Variants in DLG5 observed in about 807,000 individuals in gnomAD.
The protein encoded by DLG5 is discs large MAGUK scaffold protein 5.
A neutral mutation model predicts 189.8 loss-of-function variants in DLG5; 48 were observed. The ratio of observed to expected loss-of-function variants is 0.25; its 90% CI spans 0.20 to 0.32. DLG5 has a LOEUF of 0.32. Among genes scored for constraint, DLG5 ranks in the 10% least tolerant of loss-of-function variants. DLG5 has a pLI of 1.00. For missense variants in DLG5, 2,160 were observed against 2,544.7 expected (o/e 0.85, Z 3.25); for synonymous variants, 1,016 against 1,054.1 (o/e 0.96, Z 0.70).
At chr10:77,824,613 TAG>T in intron 13 of DLG5, 137 bp from the exon 14 acceptor site, 1 of 659,094 alleles carries the variant, frequency 1.5e-6, no homozygotes, top group Non-Finnish European at 2.6e-6. Context: ...TGGCAAAGGA[TAG>T]AGGTCTTTCT....
rs12257229 is a variant in DLG5, at chr10:77,843,665, C to T, written c.906G>A (p.Leu302=). 27,183 of 1,613,912 alleles carry T rather than the reference C, an allele frequency of 0.017. 3,807 individuals carry two copies. In the African/African-American group the frequency reaches 0.31, roughly 19 times the overall value. Residue 302 remains leucine, a synonymous_variant, in exon 6 of 32, where the codon CTG becomes CTA. Coordinates refer to ENST00000372391, the MANE Select transcript of DLG5 (RefSeq NM_004747.4). ...CCAACTTGTCCATGGCCGTGTCATA[C>T]AGTTTGTTGAGAATCTCGGATGACC... ...HNGSSEILNK[L]YDTAMDKLEV...
At chr10:77,802,444 G>A (rs1469819024) in intron 27 of DLG5, among the ~76,000 whole-genome samples, 1 of 152,218 alleles carries the variant, frequency 6.6e-6, no homozygotes, top group Non-Finnish European at 1.5e-5. Context: ...ATTTCTGCAA[G>A]TTGTTCAGCA....
chr10:77,829,482 C>T lies in DLG5; in HGVS notation c.2058G>A (p.Lys686=). 1.9e-6 allele frequency: 3 copies of T among 1,613,988 alleles called. No homozygotes were observed. The highest frequency in any genetic ancestry group is 2.5e-6 in the Non-Finnish European group (3 of 1,179,956). ...LRINDVDLIN[K]DKKQAIKALL... The stretch of plus-strand genomic sequence containing the variant: ...GCGCCTTGATGGCCTGCTTCTTGTC[C>T]TTGTTGATGAGGTCCACATCGTTGA... The change falls in exon 12 of 32, where the codon AAG becomes AAA. Residue 686 remains lysine, a synonymous_variant. Transcript: ENST00000372391.
intron 1 of DLG5, among the ~76,000 whole-genome samples, chr10:77,904,633 G>A (rs1846021629): frequency 6.6e-6 from 1 of 151,654 alleles, no homozygotes; most frequent in Non-Finnish European, 1.5e-5. Context: ...GGTTTATCAG[G>A]GGTTTCCGCC....
intron 1 of DLG5, chr10:77,912,502 C>A (rs1407038440): frequency 6.6e-6 from 1 of 152,104 alleles, no homozygotes; most frequent in African/African-American, 2.4e-5. Flanking sequence ...CCCTCCTCAG[C>A]CTCCCAAGTA....
At chr10:77,833,215 G>A (rs1249800481) in intron 9 of DLG5, among the ~76,000 whole-genome samples, 2 of 152,176 alleles carry the variant, frequency 1.3e-5, no homozygotes, top group Non-Finnish European at 2.9e-5. Flanking sequence ...AAAGGCCACT[G>A]AGTGTTTAAA....
chr10:77,918,071 A>C (rs1846420933), intron 1 of DLG5, among the ~76,000 whole-genome samples: 1 of 152,004 alleles, frequency 6.6e-6, no homozygotes, highest in South Asian at 2.1e-4. Flanking sequence ...TGTACACTTA[A>C]AAAGTTATTA....
intron 1 of DLG5, among the ~76,000 whole-genome samples, chr10:77,908,680 A>G (rs955749440): frequency 1.3e-5 from 2 of 150,390 alleles, no homozygotes; most frequent in Middle Eastern, 3.2e-3. Flanking sequence ...CTCACCATAC[A>G]CCCTCCTTCC....
chr10:77,880,231 A>G (rs1021171017), intron 1 of DLG5, among the ~76,000 whole-genome samples: 12 of 152,156 alleles, frequency 7.9e-5, no homozygotes, highest in African/African-American at 2.9e-4. Flanking sequence ...AGACGGGTGG[A>G]TCACCTGAGG....
intron 8 of DLG5, among the ~76,000 whole-genome samples, chr10:77,834,611 C>G (rs1165507676): frequency 6.6e-6 from 1 of 152,110 alleles, no homozygotes; most frequent in Non-Finnish European, 1.5e-5. Context: ...TGAAAGAGGA[C>G]CCCAAGGAGG....
chr10:77,887,181 A>G (rs879792156), intron 1 of DLG5, among the ~76,000 whole-genome samples: 2 of 152,212 alleles, frequency 1.3e-5, no homozygotes, highest in South Asian at 4.2e-4. Flanking sequence ...CATTTTACAG[A>G]CAAGAACCCC....
intron 2 of DLG5, among the ~76,000 whole-genome samples, chr10:77,858,990 G>A (rs2801823): frequency 0.25 from 38,643 of 151,736 alleles, 5,484 homozygotes; most frequent in Admixed American, 0.39. Context: ...CTCTCACCTC[G>A]GCCTCCTAAG....
At chr10:77,792,963 T>G in intron 31 of DLG5, 1 of 200,574 alleles carries the variant, frequency 5.0e-6, no homozygotes, top group Non-Finnish European at 1.0e-5. Flanking sequence ...CCCTGTACTA[T>G]AGGAGTTTGA....
At chr10:77,884,934 C>T (rs1845394054) in intron 1 of DLG5, among the ~76,000 whole-genome samples, 1 of 152,152 alleles carries the variant, frequency 6.6e-6, no homozygotes, top group East Asian at 1.9e-4. Flanking sequence ...GGGACTCTTT[C>T]CAATGTTTTA....
intron 2 of DLG5, among the ~76,000 whole-genome samples, chr10:77,866,619 C>T (rs1844693615): frequency 6.6e-6 from 1 of 151,932 alleles, no homozygotes; most frequent in African/African-American, 2.4e-5. Context: ...ATTTAAGTAG[C>T]CACCTGTGTT....
At chr10:77,865,466 T>C (rs966564500) in intron 2 of DLG5, among the ~76,000 whole-genome samples, 1 of 152,178 alleles carries the variant, frequency 6.6e-6, no homozygotes, top group Non-Finnish European at 1.5e-5. Context: ...CCGATAAGCC[T>C]GGAGACCTCT....
chr10:77,800,650 C>G (rs1275578908), intron 27 of DLG5, among the ~76,000 whole-genome samples: 1 of 152,222 alleles, frequency 6.6e-6, no homozygotes, highest in Non-Finnish European at 1.5e-5. Flanking sequence ...CTGCCAGGAC[C>G]TGGTGGGTCA....
intron 14 of DLG5, 112 bp downstream of exon 14, chr10:77,824,272 T>C: frequency 1.3e-6 from 1 of 786,168 alleles, no homozygotes; most frequent in Non-Finnish European, 2.1e-6. Flanking sequence ...ACTCAGTAAA[T>C]GCCCACCCTG....
At chr10:77,816,490 G>C (rs1041288303) in intron 20 of DLG5, 61 bp downstream of exon 20, 29 of 1,609,960 alleles carry the variant, frequency 1.8e-5, no homozygotes, top group Non-Finnish European at 2.3e-5. Flanking sequence ...GCCCAGGCCC[G>C]CTGCCGGGAT....
Sources: gnomAD v4.1 joint callset for allele counts (sites outside exome capture counted in the v4.1 genomes callset) on GRCh38, gnomAD v4.1.1 for gene constraint, MANE v1.5 for transcripts, NCBI Gene and HGNC (gene_info 2026-07-23, HGNC 2026-07-21) for gene names.